Variants in OSBPL9 observed in about 807,000 individuals in gnomAD.
OSBPL9 encodes oxysterol binding protein like 9.
OSBPL9 carries 40 observed loss-of-function variants against 106.6 expected under a neutral mutation model. That is an observed-to-expected ratio of 0.38 (90% CI 0.29 to 0.49). The LOEUF (loss-of-function observed/expected upper bound fraction) is 0.49. OSBPL9 is among the 20% of genes least tolerant of loss of function. The pLI is 0.97. For missense variants in OSBPL9, 609 were observed against 887.2 expected (o/e 0.69, Z 3.98); for synonymous variants, 269 against 295.4 (o/e 0.91, Z 0.92).
chr1:51,547,564 G>C, the OSBPL9 span, among the ~76,000 whole-genome samples: 2 of 152,152 alleles, frequency 1.3e-5, no homozygotes, highest in African/African-American at 2.4e-5. Flanking sequence ...GGACAAATAG[G>C]TAGGGCACGG....
At chr1:51,597,211 T>C (rs1645304208) in intron 1 of OSBPL9, among the ~76,000 whole-genome samples, 1 of 152,128 alleles carries the variant, frequency 6.6e-6, no homozygotes, top group South Asian at 2.1e-4. Flanking sequence ...TCTCATGATA[T>C]AAGCCATGGG....
intron 9 of OSBPL9, chr1:51,759,656 C>G (rs1671085465): frequency 6.6e-6 from 1 of 152,148 alleles, no homozygotes. Context: ...TTTGCTGTGG[C>G]AAAGACTTTG....
At chr1:51,786,353 A>G (rs1677628288) in intron 21 of OSBPL9, 173 bp from the exon 22 acceptor site, 3 of 572,002 alleles carry the variant, frequency 5.2e-6, no homozygotes, top group Admixed American at 3.1e-5. Flanking sequence ...ACTCTGTACT[A>G]CTGCCCACTC....
intron 2 of OSBPL9, among the ~76,000 whole-genome samples, chr1:51,599,589 T>C (rs187860538): frequency 3.3e-5 from 5 of 152,310 alleles, no homozygotes; most frequent in Admixed American, 6.5e-5. Context: ...ATAAGCATCT[T>C]TATTTGTAAG....
At chr1:51,581,314 G>C (rs1283481254) in intron 1 of OSBPL9, among the ~76,000 whole-genome samples, 2 of 152,030 alleles carry the variant, frequency 1.3e-5, no homozygotes, top group African/African-American at 4.8e-5. Flanking sequence ...AGAGGTAAAC[G>C]GCCATTCTCA....
intron 3 of OSBPL9, among the ~76,000 whole-genome samples, chr1:51,705,171 A>G (rs187784512): frequency 1.3e-5 from 2 of 151,646 alleles, no homozygotes; most frequent in African/African-American, 4.8e-5. Context: ...TCACTAAAGA[A>G]ATCTTCCTCA....
chr1:51,784,156 G>A, intron 18 of OSBPL9, 108 bp from the exon 19 acceptor site: 2 of 1,414,034 alleles, frequency 1.4e-6, no homozygotes, highest in Admixed American at 1.7e-5. Flanking sequence ...AACTAGATAG[G>A]TTATCCCTAA....
At chr1:51,731,146 T>C (rs920981624) in intron 4 of OSBPL9, among the ~76,000 whole-genome samples, 3 of 151,828 alleles carry the variant, frequency 2.0e-5, no homozygotes, top group African/African-American at 7.3e-5. Flanking sequence ...TGATTAAAAG[T>C]CAGATTTGGG....
At chr1:51,611,442 A>T (rs1643987542) in intron 2 of OSBPL9, among the ~76,000 whole-genome samples, 3 of 152,238 alleles carry the variant, frequency 2.0e-5, no homozygotes, top group Admixed American at 2.0e-4. Context: ...ATTAAGAAAC[A>T]TGACAACAAT....
At chr1:51,553,534 C>T in the OSBPL9 span, among the ~76,000 whole-genome samples, 26 of 151,392 alleles carry the variant, frequency 1.7e-4, no homozygotes, top group African/African-American at 6.3e-4. Flanking sequence ...AAAACCAAAA[C>T]AAAACAAACA....
At chr1:51,580,627 G>A (rs1433900911) in intron 1 of OSBPL9, among the ~76,000 whole-genome samples, 2 of 151,986 alleles carry the variant, frequency 1.3e-5, no homozygotes, top group African/African-American at 4.8e-5. Flanking sequence ...CAGTCTGAGT[G>A]CTAGATGCCA....
chr1:51,755,725 T>C (rs887686549), intron 8 of OSBPL9, among the ~76,000 whole-genome samples: 1 of 152,244 alleles, frequency 6.6e-6, no homozygotes, highest in African/African-American at 2.4e-5. Context: ...CTATGCTGTT[T>C]GGTAGGTTAG....
the OSBPL9 span, chr1:51,519,258 A>T: frequency 4.9e-6 from 6 of 1,232,240 alleles, no homozygotes; most frequent in South Asian, 8.9e-5. Flanking sequence ...AAGGGAGGGG[A>T]AGGAAGACGG....
At chr1:51,615,445 CCTTT>C (rs1283856344), upstream of OSBPL9, among the ~76,000 whole-genome samples, 1 of 151,952 alleles carries the variant, frequency 6.6e-6, no homozygotes, top group Non-Finnish European at 1.5e-5. Context: ...TCAGTCTTTT[CCTTT>C]CTTTCTTTTT....
intron 4 of OSBPL9, among the ~76,000 whole-genome samples, chr1:51,739,507 G>T (rs1010329307): frequency 2.0e-5 from 3 of 151,936 alleles, no homozygotes; most frequent in African/African-American, 7.2e-5. Context: ...CAGCTACCAT[G>T]TTGACAATAA....
chr1:51,711,308 C>T (rs1322332296), intron 3 of OSBPL9, among the ~76,000 whole-genome samples: 138 of 148,810 alleles, frequency 9.3e-4, no homozygotes, highest in African/African-American at 3.3e-3. Flanking sequence ...CCTCACCTCC[C>T]GGACGGGGCG....
At chr1:51,638,934 C>T (rs575993533) in intron 1 of OSBPL9, among the ~76,000 whole-genome samples, 1 of 151,986 alleles carries the variant, frequency 6.6e-6, no homozygotes, top group South Asian at 2.1e-4. Context: ...GCCAACATAG[C>T]AAGAATGCCT....
intron 4 of OSBPL9, chr1:51,740,106 A>G: frequency 6.5e-7 from 1 of 1,548,684 alleles, no homozygotes; most frequent in South Asian, 1.2e-5. Context: ...ACAGCATGGT[A>G]ACTTTCTATT....
chr1:51,780,044 C>T (rs1478115160), intron 15 of OSBPL9, among the ~76,000 whole-genome samples: 1 of 150,500 alleles, frequency 6.6e-6, no homozygotes, highest in Non-Finnish European at 1.5e-5. Context: ...CGCCACTGCA[C>T]TCCAGCCTGG....
Sources: allele counts gnomAD v4.1 joint callset (sites outside exome capture counted in the v4.1 genomes callset), GRCh38; gene constraint gnomAD v4.1.1; transcripts MANE v1.5; gene names NCBI Gene and HGNC (gene_info 2026-07-23, HGNC 2026-07-21).